Variants in NBAS observed in about 807,000 individuals in gnomAD.
NBAS encodes NBAS subunit of NRZ tethering complex.
NBAS carries 219 observed loss-of-function variants against 302.5 expected under a neutral mutation model. That is an observed-to-expected ratio of 0.72 (90% CI 0.65 to 0.81). NBAS has a LOEUF of 0.81. NBAS is among the 30% of genes least tolerant of loss of function. The pLI is 0.00. For synonymous variants in NBAS, 1,118 were observed against 1,021.6 expected (o/e 1.09, Z -1.80); for missense variants, 2,932 against 2,841.6 (o/e 1.03, Z -0.72).
the NBAS span, among the ~76,000 whole-genome samples, chr2:15,012,173 T>C: frequency 6.6e-6 from 1 of 151,966 alleles, no homozygotes; most frequent in Non-Finnish European, 1.5e-5. Flanking sequence ...TTGAGTGAAA[T>C]AAGAAAAACA....
chr2:15,475,572 A>G (rs1680152560), intron 14 of NBAS, 115 bp downstream of exon 14: 5 of 1,106,426 alleles, frequency 4.5e-6, no homozygotes, highest in South Asian at 4.5e-5. Context: ...CCTGATTCCA[A>G]TCACAGATTT....
At chr2:15,498,250 C>G (rs530437980) in intron 11 of NBAS, among the ~76,000 whole-genome samples, 1 of 152,276 alleles carries the variant, frequency 6.6e-6, no homozygotes, top group African/African-American at 2.4e-5. Context: ...GTTCCACTTG[C>G]TATAAAACCT....
chr2:15,118,856 A>T, the NBAS span, among the ~76,000 whole-genome samples: 3 of 152,198 alleles, frequency 2.0e-5, no homozygotes, highest in African/African-American at 7.2e-5. Flanking sequence ...AGAAATAATA[A>T]ACACGGTTGT....
chr2:15,336,896 T>C (rs1296910512), intron 35 of NBAS, among the ~76,000 whole-genome samples: 1 of 152,186 alleles, frequency 6.6e-6, no homozygotes, highest in African/African-American at 2.4e-5. Context: ...GAACTGAAAA[T>C]ATAAATATGG....
intron 45 of NBAS, among the ~76,000 whole-genome samples, chr2:15,236,863 T>C (rs143418920): frequency 1.4e-3 from 210 of 152,266 alleles, no homozygotes; most frequent in African/African-American, 4.2e-3. Context: ...AAAATAGGCA[T>C]TCCAAAACAC....
At chr2:15,251,465 A>G (rs1171061089) in intron 44 of NBAS, among the ~76,000 whole-genome samples, 1 of 151,556 alleles carries the variant, frequency 6.6e-6, no homozygotes, top group Non-Finnish European at 1.5e-5. Context: ...ATAATAAAAA[A>G]CAAACAAACA....
the NBAS span, among the ~76,000 whole-genome samples, chr2:14,962,303 G>A: frequency 6.6e-6 from 1 of 152,108 alleles, no homozygotes; most frequent in Non-Finnish European, 1.5e-5. Flanking sequence ...CACCACCACG[G>A]ACAGCTCAGA....
At chr2:14,889,565 G>C in the NBAS span, among the ~76,000 whole-genome samples, 1 of 152,172 alleles carries the variant, frequency 6.6e-6, no homozygotes, top group Non-Finnish European at 1.5e-5. Flanking sequence ...CCAAAAAAGA[G>C]ATCCCGACTC....
chr2:14,934,558 C>T, the NBAS span, among the ~76,000 whole-genome samples: 1 of 152,148 alleles, frequency 6.6e-6, no homozygotes, highest in Admixed American at 6.5e-5. Flanking sequence ...GAGAATTTTC[C>T]AAGCAACAAT....
chr2:14,833,779 C>T, the NBAS span, among the ~76,000 whole-genome samples: 1 of 151,764 alleles, frequency 6.6e-6, no homozygotes. Flanking sequence ...CAACTGACCC[C>T]CGAGACTGTT....
intron 15 of NBAS, 45 bp downstream of exon 15, chr2:15,474,022 A>C: frequency 6.2e-7 from 1 of 1,612,124 alleles, no homozygotes; most frequent in East Asian, 2.2e-5. Context: ...ATAAAAGAAA[A>C]GCTTGATGAC....
chr2:15,142,277 G>A, the NBAS span, among the ~76,000 whole-genome samples: 1 of 152,190 alleles, frequency 6.6e-6, no homozygotes, highest in Non-Finnish European at 1.5e-5. Context: ...CAGCCTTGAC[G>A]TTTGTCAACC....
intron 8 of NBAS, among the ~76,000 whole-genome samples, chr2:15,536,085 G>C (rs1243413191): frequency 6.6e-6 from 1 of 152,124 alleles, no homozygotes; most frequent in Non-Finnish European, 1.5e-5. Context: ...TACCTCAAAA[G>C]GAAGAAAACT....
the NBAS span, among the ~76,000 whole-genome samples, chr2:15,108,212 T>C: frequency 2.1e-4 from 32 of 152,172 alleles, no homozygotes; most frequent in African/African-American, 6.5e-4. Flanking sequence ...TGTGAGATCA[T>C]ATGGTATGTT....
the NBAS span, among the ~76,000 whole-genome samples, chr2:14,780,660 T>C: frequency 2.4e-4 from 36 of 152,362 alleles, no homozygotes; most frequent in African/African-American, 8.2e-4. Flanking sequence ...TGAACCATTC[T>C]GTTTTTGTCT....
chr2:14,872,971 G>A, the NBAS span, among the ~76,000 whole-genome samples: 3 of 152,230 alleles, frequency 2.0e-5, no homozygotes, highest in Non-Finnish European at 4.4e-5. Flanking sequence ...AGGCAGCGCA[G>A]ACCCAGTGAG....
At chr2:14,944,114 G>A in the NBAS span, among the ~76,000 whole-genome samples, 2 of 152,098 alleles carry the variant, frequency 1.3e-5, no homozygotes, top group Admixed American at 6.5e-5. Context: ...CCTGGCTAAC[G>A]CAGTGAAACC....
the NBAS span, among the ~76,000 whole-genome samples, chr2:14,908,288 G>A: frequency 4.6e-5 from 7 of 152,150 alleles, no homozygotes; most frequent in Non-Finnish European, 8.8e-5. Context: ...ACGTGAACCC[G>A]GGAGGCGGAG....
chr2:15,412,902 T>C (rs969856571), intron 25 of NBAS, among the ~76,000 whole-genome samples: 2 of 152,168 alleles, frequency 1.3e-5, no homozygotes, highest in Non-Finnish European at 2.9e-5. Flanking sequence ...AACGCTTGCC[T>C]GTTTCAAAAA....
Sources: allele counts gnomAD v4.1 joint callset (sites outside exome capture counted in the v4.1 genomes callset), GRCh38; gene constraint gnomAD v4.1.1; transcripts MANE v1.5; gene names NCBI Gene and HGNC (gene_info 2026-07-23, HGNC 2026-07-21).